The following PCDHGB2 variants were observed in gnomAD, a reference collection of about 807,000 sequenced individuals.
The protein encoded by PCDHGB2 is protocadherin gamma subfamily B, 2.
A neutral mutation model predicts 59.3 loss-of-function variants in PCDHGB2; 55 were observed. The observed-to-expected ratio is 0.93, with a 90% confidence interval of 0.75 to 1.16. The LOEUF is 1.16. Ranked by LOEUF, PCDHGB2 falls within the 50% of genes most tolerant of loss-of-function variation. PCDHGB2 has a pLI of 0.00. For missense variants in PCDHGB2, 1,228 were observed against 1,198.5 expected (o/e 1.02, Z -0.36); for synonymous variants, 516 against 512.0 (o/e 1.01, Z -0.11).
intron 1 of PCDHGB2, chr5:141,365,642 A>G (rs1764035406): frequency 6.2e-7 from 1 of 1,613,554 alleles, no homozygotes; most frequent in Non-Finnish European, 8.5e-7. Flanking sequence ...AGAAAGCCAC[A>G]TCCCCTTGAA....
intron 1 of PCDHGB2, chr5:141,392,356 G>A (rs970397239): frequency 6.6e-6 from 1 of 152,614 alleles, no homozygotes; most frequent in Admixed American, 6.5e-5. Flanking sequence ...TTAATCCGAT[G>A]CTACAATCTG....
At chr5:141,414,435 C>G (rs891322256) in intron 1 of PCDHGB2, 2 of 1,613,678 alleles carry the variant, frequency 1.2e-6, no homozygotes, top group African/African-American at 1.3e-5. Context: ...AACAGGTATC[C>G]TCTTACAATA....
chr5:141,490,051 G>T lies in PCDHGB2; in HGVS notation c.2422-4756G>T, dbSNP rs779280988. On this transcript the variant is annotated intron_variant, in intron 1 of 3. Coordinates refer to ENST00000522605, the MANE Select transcript of PCDHGB2 (RefSeq NM_018923.3). The surrounding 1 kb of genome is among the most constrained non-coding windows in gnomAD (Gnocchi z 5.4). ...CCGCCTCAATGCCACTGATCCAGACGAGGGCACCAACGGCCAACTAGACTA... is the reference window on the plus strand; with the variant it reads ...CCGCCTCAATGCCACTGATCCAGACTAGGGCACCAACGGCCAACTAGACTA... 3 of 1,614,214 alleles carry T rather than the reference G, an allele frequency of 1.9e-6. No homozygotes were observed. The Middle Eastern group carries it at 4.9e-4, about 266-fold the overall frequency.
At chr5:141,507,171 C>T (rs183042063) in intron 3 of PCDHGB2, 3 of 152,462 alleles carry the variant, frequency 2.0e-5, no homozygotes, top group South Asian at 2.1e-4. Context: ...AGGCTGTCCT[C>T]TTCCTCGAGC....
At chr5:141,401,734 G>T (rs2094188545) in intron 1 of PCDHGB2, among the ~76,000 whole-genome samples, 1 of 152,166 alleles carries the variant, frequency 6.6e-6, no homozygotes, top group Non-Finnish European at 1.5e-5. Context: ...CTAGTCTTGT[G>T]TACATACAAA....
intron 1 of PCDHGB2, chr5:141,385,463 T>A: frequency 6.9e-7 from 1 of 1,443,350 alleles, no homozygotes; most frequent in Non-Finnish European, 9.1e-7. Flanking sequence ...TTTCCTTCAG[T>A]GGTGACACTT....
rs1441582051 is a variant in PCDHGB2, at chr5:141,487,416, G to A, written c.2422-7391G>A. 1 of 1,614,088 alleles carries A rather than the reference G, an allele frequency of 6.2e-7. No individual in the cohort carries two copies. Among genetic ancestry groups the A allele is most frequent in the Admixed American group, 1.7e-5 (1 of 60,024 alleles). On this transcript the variant is annotated intron_variant, in intron 1 of 3. Coordinates refer to ENST00000522605, the MANE Select transcript of PCDHGB2 (RefSeq NM_018923.3). The surrounding 1 kb of genome is among the most constrained non-coding windows in gnomAD (Gnocchi z 5.0). ...AGGGAGGGGCTTCCCCCTTCCAATGGGATCCTCCGAATCCAGCTAGGGTCA... is the reference window on the plus strand; with the variant it reads ...AGGGAGGGGCTTCCCCCTTCCAATGAGATCCTCCGAATCCAGCTAGGGTCA...
intron 1 of PCDHGB2, chr5:141,468,351 A>G (rs1030472813): frequency 6.7e-6 from 1 of 149,192 alleles, no homozygotes; most frequent in Non-Finnish European, 1.5e-5. Context: ...AAAAAAAAAG[A>G]AAGAAAAAAG....
intron 1 of PCDHGB2, among the ~76,000 whole-genome samples, chr5:141,439,380 G>C (rs1324859898): frequency 6.6e-6 from 1 of 152,158 alleles, no homozygotes; most frequent in East Asian, 1.9e-4. Flanking sequence ...ATAAAAATAA[G>C]TCATCACTTC....
intron 1 of PCDHGB2, among the ~76,000 whole-genome samples, chr5:141,373,507 A>T (rs1769637375): frequency 6.6e-6 from 1 of 152,236 alleles, no homozygotes; most frequent in Non-Finnish European, 1.5e-5. Flanking sequence ...TGGGAGACAG[A>T]GCGAGACTTT....
Position 141,487,315 on chromosome 5 carries a change from G to C in PCDHGB2, c.2422-7492G>C, listed in dbSNP as rs568326280. On this transcript the variant is annotated intron_variant, in intron 1 of 3. Transcript: ENST00000522605. The surrounding 1 kb of genome is among the most constrained non-coding windows in gnomAD (Gnocchi z 5.0). ...GCTCATTCGTGGCACTACTCTCTAA[G>C]TGTCTTCGTGGGGCAGCCTGTGGAG... 6.2e-7 allele frequency: 1 copy of C among 1,614,166 alleles called. No individual in the cohort carries two copies. Among genetic ancestry groups the C allele is most frequent in the Admixed American group, 1.7e-5 (1 of 60,028 alleles).
chr5:141,485,663 A>G lies in PCDHGB2; in HGVS notation c.2422-9144A>G, dbSNP rs1594506698. ...AAAGGCTCAGGATGCAGATGTGGGG[A>G]GCAATTCGATTAGCAGCTATAGGCT... On this transcript the variant is annotated intron_variant, in intron 1 of 3. Transcript: ENST00000522605. The surrounding 1 kb of genome is among the most constrained non-coding windows in gnomAD (Gnocchi z 5.7). The G allele has an allele frequency of 1.2e-6, 2 of 1,612,638 alleles. No homozygotes were observed. Among genetic ancestry groups the G allele is most frequent in the East Asian group, 4.5e-5 (2 of 44,840 alleles).
chr5:141,391,887 T>C (rs970251505), intron 1 of PCDHGB2: 1 of 152,200 alleles, frequency 6.6e-6, no homozygotes, highest in Non-Finnish European at 1.5e-5. Context: ...GTGAAAGGGA[T>C]GGGATGGAGC....
chr5:141,486,282 C>T lies in PCDHGB2; in HGVS notation c.2422-8525C>T. ...AGTGCAGAACCTGGCACTGTGGTGGCACTTATCAGTGTGCAGGATCCAGAC... is the reference window on the plus strand; with the variant it reads ...AGTGCAGAACCTGGCACTGTGGTGGTACTTATCAGTGTGCAGGATCCAGAC... On this transcript the variant is annotated intron_variant, in intron 1 of 3. Transcript: ENST00000522605. This position sits in a 1 kb window ranked among gnomAD's most constrained non-coding sequence, Gnocchi z 5.0. 6.2e-7 allele frequency: 1 copy of T among 1,614,052 alleles called. No homozygotes were observed. Among genetic ancestry groups the T allele is most frequent in the Non-Finnish European group, 8.5e-7 (1 of 1,179,992 alleles).
chr5:141,509,699 C>T (rs779592471), intron 3 of PCDHGB2, among the ~76,000 whole-genome samples: 4 of 152,168 alleles, frequency 2.6e-5, no homozygotes, highest in Non-Finnish European at 5.9e-5. Flanking sequence ...GGACGTTGGA[C>T]TGGAGGTGCT....
intron 1 of PCDHGB2, chr5:141,366,021 AC>A: frequency 6.2e-7 from 1 of 1,614,092 alleles, no homozygotes; most frequent in Non-Finnish European, 8.5e-7. Flanking sequence ...GAGATCCTGT[AC>A]CCCGCCCTCC....
At chr5:141,369,998 A>G (rs553441989) in intron 1 of PCDHGB2, among the ~76,000 whole-genome samples, 1 of 152,372 alleles carries the variant, frequency 6.6e-6, no homozygotes, top group Admixed American at 6.5e-5. Context: ...ATAAAGCTCA[A>G]ATTAAAAGAA....
chr5:141,381,188 T>G (rs1271101708), intron 1 of PCDHGB2, among the ~76,000 whole-genome samples: 1 of 152,222 alleles, frequency 6.6e-6, no homozygotes, highest in Non-Finnish European at 1.5e-5. Context: ...GAAGTTAAGC[T>G]TTCTTAGTGT....
At chr5:141,461,063 C>T (rs1472437531) in intron 1 of PCDHGB2, among the ~76,000 whole-genome samples, 1 of 151,796 alleles carries the variant, frequency 6.6e-6, no homozygotes, top group Non-Finnish European at 1.5e-5. Flanking sequence ...GTTGGTTTCA[C>T]ATTTTTGCAA....
Sources: gnomAD v4.1 joint callset for allele counts (sites outside exome capture counted in the v4.1 genomes callset) on GRCh38, gnomAD v4.1.1 for gene constraint, Gnocchi (gnomAD v3.1) non-coding constraint, MANE v1.5 for transcripts, NCBI Gene and HGNC (gene_info 2026-07-23, HGNC 2026-07-21) for gene names.